SPSB4: variants seen among roughly 807,000 people sequenced by gnomAD.
The protein encoded by SPSB4 is splA/ryanodine receptor domain and SOCS box containing 4.
In SPSB4, 21 loss-of-function variants were observed where a neutral mutation model predicts 20.9. That is an observed-to-expected ratio of 1.01 (90% CI 0.71 to 1.45). SPSB4 has a LOEUF of 1.45. Ranked by LOEUF, SPSB4 falls within the 40% of genes most tolerant of loss-of-function variation. The pLI, the probability that SPSB4 is intolerant of heterozygous loss-of-function variation, is 0.00. For synonymous variants in SPSB4, 207 were observed against 183.8 expected, an observed-to-expected ratio of 1.13 and a Z score of -1.02; for missense variants, 399 against 399.2, an observed-to-expected ratio of 1.00 and a Z score of 0.00.
intron 1 of SPSB4, among the ~76,000 whole-genome samples, chr3:141,062,066 C>G (rs964288787): frequency 6.6e-6 from 1 of 152,174 alleles, no homozygotes; most frequent in Non-Finnish European, 1.5e-5. Context: ...CAGATCCCAT[C>G]CAGGATACCA....
intron 2 of SPSB4, among the ~76,000 whole-genome samples, chr3:141,077,837 C>T (rs2107785081): frequency 6.6e-6 from 1 of 152,282 alleles, no homozygotes; most frequent in South Asian, 2.1e-4. Context: ...TCACAAGTTG[C>T]CTCAAGGAAG....
At chr3:141,136,772 G>A (rs552169641) in intron 2 of SPSB4, among the ~76,000 whole-genome samples, 14 of 152,296 alleles carry the variant, frequency 9.2e-5, no homozygotes, top group East Asian at 7.7e-4. Flanking sequence ...GTGAGGTAGC[G>A]TGATGCCTCC....
chr3:141,058,634 G>A (rs1176080428), intron 1 of SPSB4, among the ~76,000 whole-genome samples: 2 of 152,124 alleles, frequency 1.3e-5, no homozygotes, highest in Non-Finnish European at 2.9e-5. Flanking sequence ...CCCTCTGGCT[G>A]GAGAGAGAAG....
At chr3:141,063,689 TC>T (rs1262654019) in intron 1 of SPSB4, among the ~76,000 whole-genome samples, 4 of 152,236 alleles carry the variant, frequency 2.6e-5, no homozygotes, top group Admixed American at 2.6e-4. Flanking sequence ...CCATGTTTTG[TC>T]CTGTTCGTTT....
intron 2 of SPSB4, among the ~76,000 whole-genome samples, chr3:141,082,253 G>A (rs952736650): frequency 1.3e-5 from 2 of 152,230 alleles, no homozygotes; most frequent in African/African-American, 4.8e-5. Flanking sequence ...CCAGAGCTGG[G>A]CTTTGCCAGG....
At chr3:141,063,846 A>G (rs1937813351) in intron 1 of SPSB4, among the ~76,000 whole-genome samples, 1 of 152,262 alleles carries the variant, frequency 6.6e-6, no homozygotes, top group African/African-American at 2.4e-5. Context: ...CCTGGTTCCC[A>G]GGAACTTTGT....
Position 141,100,349 on chromosome 3 carries a change from C to T in SPSB4, c.694+33551C>T, listed in dbSNP as rs539285085. Among the ~76,000 whole-genome samples the T allele has an allele frequency of 5.3e-5, 8 of 152,222 alleles. No homozygotes were observed. The South Asian group carries it at 6.2e-4, about 12-fold the overall frequency. Reference sequence around the variant, plus strand: ...GCCTGAATCTGCTGTGACTGGTATCCTTATGGAAAGGGGAAATTTGGACAT... The same window carrying T: ...GCCTGAATCTGCTGTGACTGGTATCTTTATGGAAAGGGGAAATTTGGACAT... On this transcript the variant is annotated intron_variant, in intron 2 of 2. Transcript: ENST00000310546.
chr3:141,065,180 G>C (rs910827606), intron 1 of SPSB4, among the ~76,000 whole-genome samples: 3 of 152,080 alleles, frequency 2.0e-5, no homozygotes, highest in Non-Finnish European at 2.9e-5. Flanking sequence ...GGATTTGGAC[G>C]CAGTTCTGTC....
At position 141,113,575 on chromosome 3, in the gene SPSB4, T is replaced by C. The variant is rs561731964; in HGVS notation, c.695-33567T>C. Among the ~76,000 whole-genome samples, 3 of 152,368 alleles carry C rather than the reference T, an allele frequency of 2.0e-5. No homozygotes were observed. In the South Asian group the frequency reaches 6.2e-4, roughly 32 times the overall value. On this transcript the variant is annotated intron_variant, in intron 2 of 2. Coordinates refer to ENST00000310546, the MANE Select transcript of SPSB4 (RefSeq NM_080862.3). ...TATATGATTCCATACAATCATATAATATTCCATATTCATATTCTGGGCATG... is the reference window on the plus strand; with the variant it reads ...TATATGATTCCATACAATCATATAACATTCCATATTCATATTCTGGGCATG...
chr3:141,146,846 A>G (rs562860803), intron 2 of SPSB4, among the ~76,000 whole-genome samples: 1 of 151,800 alleles, frequency 6.6e-6, no homozygotes, highest in African/African-American at 2.4e-5. Context: ...AACAATATTT[A>G]TCCTTGCTAT....
chr3:141,108,229 C>T (rs6764863), intron 2 of SPSB4, among the ~76,000 whole-genome samples: 1,596 of 152,148 alleles, frequency 0.01, 24 homozygotes, highest in African/African-American at 0.037. Flanking sequence ...CCCAAGCAGG[C>T]AGACAGAGAG....
intron 2 of SPSB4, among the ~76,000 whole-genome samples, chr3:141,086,844 G>A (rs1938352558): frequency 6.6e-6 from 1 of 152,230 alleles, no homozygotes; most frequent in Non-Finnish European, 1.5e-5. Context: ...GGCAGGTGGT[G>A]TTAACATTCC....
At chr3:141,081,523 G>C (rs1938230161) in intron 2 of SPSB4, among the ~76,000 whole-genome samples, 1 of 152,180 alleles carries the variant, frequency 6.6e-6, no homozygotes. Flanking sequence ...TGAGTGTCAG[G>C]CTGCAGGACC....
At chr3:141,135,518 G>C (rs1172930348) in intron 2 of SPSB4, among the ~76,000 whole-genome samples, 8 of 144,230 alleles carry the variant, frequency 5.5e-5, no homozygotes, top group Non-Finnish European at 1.1e-4. Flanking sequence ...CCAGTCCCCG[G>C]TGTGTGATGT....
chr3:141,108,595 A>T (rs1046596367), intron 2 of SPSB4, among the ~76,000 whole-genome samples: 1 of 152,098 alleles, frequency 6.6e-6, no homozygotes, highest in African/African-American at 2.4e-5. Flanking sequence ...GTCCTGGGGT[A>T]CTCCCTAGGA....
intron 1 of SPSB4, among the ~76,000 whole-genome samples, chr3:141,053,212 GC>G (rs1017412519): frequency 1.2e-4 from 18 of 145,954 alleles, no homozygotes; most frequent in Non-Finnish European, 1.8e-4. Flanking sequence ...CCCCTTTCTG[GC>G]CCCCTGCCCC....
intron 2 of SPSB4, among the ~76,000 whole-genome samples, chr3:141,072,567 C>T (rs1343291346): frequency 6.6e-6 from 1 of 152,176 alleles, no homozygotes; most frequent in Non-Finnish European, 1.5e-5. Context: ...TTTCCCTTTG[C>T]CTTTCGTCAT....
intron 2 of SPSB4, among the ~76,000 whole-genome samples, chr3:141,119,637 T>C (rs1559852978): frequency 6.6e-6 from 1 of 152,222 alleles, no homozygotes; most frequent in East Asian, 1.9e-4. Flanking sequence ...TTGTCATAAA[T>C]AGCTCTTATT....
At position 141,066,578 on chromosome 3, in the gene SPSB4, C is replaced by G. The variant is rs1937885511; in HGVS notation, c.474C>G (p.Gly158=). The G allele has an allele frequency of 1.3e-6, 2 of 1,554,266 alleles. No homozygotes were observed. Among genetic ancestry groups the G allele is most frequent in the Non-Finnish European group, 1.7e-6 (2 of 1,150,506 alleles). ...RLYHDGKNQP[G]VAYPAFLGPD... is the part of the protein sequence containing the mutation. ...ACCACGACGGCAAGAACCAGCCCGGCGTGGCCTACCCGGCCTTTCTGGGGC... is the reference window on the plus strand; with the variant it reads ...ACCACGACGGCAAGAACCAGCCCGGGGTGGCCTACCCGGCCTTTCTGGGGC... Residue 158 remains glycine (G), a synonymous_variant, in exon 2 of 3, where the codon GGC becomes GGG. Transcript: ENST00000310546.
Sources: gnomAD v4.1 joint callset for allele counts (sites outside exome capture counted in the v4.1 genomes callset) on GRCh38, gnomAD v4.1.1 for gene constraint, MANE v1.5 for transcripts, NCBI Gene and HGNC (gene_info 2026-07-23, HGNC 2026-07-21) for gene names.